Variants in SGCZ observed in about 807,000 individuals in gnomAD.
SGCZ encodes sarcoglycan zeta, also known as zeta-sarcoglycan.
Under a neutral mutation model 41.3 loss-of-function variants are expected in SGCZ, and 40 were observed. The observed-to-expected ratio is 0.97, with a 90% CI of 0.75 to 1.26. The LOEUF is 1.26. Ranked by LOEUF, SGCZ falls within the 50% of genes most tolerant of loss-of-function variation. The pLI, the probability that SGCZ is intolerant of heterozygous loss-of-function variation, is 0.00. For synonymous variants in SGCZ, 206 were observed against 137.5 expected, an observed-to-expected ratio of 1.50 and a Z score of -3.49; for missense variants, 552 against 369.8, an observed-to-expected ratio of 1.49 and a Z score of -4.04.
chr8:14,469,667 G>T (rs1801159315), intron 2 of SGCZ, among the ~76,000 whole-genome samples: 1 of 152,080 alleles, frequency 6.6e-6, no homozygotes, highest in South Asian at 2.1e-4. Context: ...CATGATTAGA[G>T]GGTTAGAACT....
intron 1 of SGCZ, among the ~76,000 whole-genome samples, chr8:14,956,508 CAAAT>C (rs1464728579): frequency 1.3e-5 from 2 of 151,900 alleles, no homozygotes; most frequent in South Asian, 2.1e-4. Flanking sequence ...AGGTCTCAGA[CAAAT>C]AAACAGGATA....
At chr8:14,696,672 G>A (rs947470739) in intron 1 of SGCZ, among the ~76,000 whole-genome samples, 11 of 151,634 alleles carry the variant, frequency 7.3e-5, no homozygotes, top group African/African-American at 2.4e-4. Context: ...TCTCTTTTGC[G>A]TTATGAATTT....
intron 3 of SGCZ, among the ~76,000 whole-genome samples, chr8:14,241,455 T>C (rs935146409): frequency 2.7e-5 from 4 of 148,298 alleles, no homozygotes; most frequent in Non-Finnish European, 5.9e-5. Flanking sequence ...ATAAACAATA[T>C]ATAATAATAT....
intron 1 of SGCZ, among the ~76,000 whole-genome samples, chr8:15,022,839 G>A (rs1803306097): frequency 6.6e-6 from 1 of 152,146 alleles, no homozygotes; most frequent in Admixed American, 6.5e-5. Flanking sequence ...TCTTGTGCAA[G>A]AATTACTATT....
intron 1 of SGCZ, among the ~76,000 whole-genome samples, chr8:14,835,856 C>G (rs1802685001): frequency 6.6e-6 from 1 of 152,082 alleles, no homozygotes; most frequent in Admixed American, 6.6e-5. Flanking sequence ...ATTACAAAGT[C>G]TTAAAAATAA....
At chr8:15,150,866 G>A (rs539325550) in intron 1 of SGCZ, among the ~76,000 whole-genome samples, 25 of 152,104 alleles carry the variant, frequency 1.6e-4, no homozygotes, top group Non-Finnish European at 2.8e-4. Context: ...AAGTCTGGTG[G>A]GTAGTCTCTA....
intron 1 of SGCZ, among the ~76,000 whole-genome samples, chr8:14,742,393 T>C (rs1324296346): frequency 6.6e-6 from 1 of 152,116 alleles, no homozygotes; most frequent in Admixed American, 6.6e-5. Context: ...TTCAGTCTTA[T>C]TGTGCACATT....
intron 1 of SGCZ, among the ~76,000 whole-genome samples, chr8:14,936,200 A>G (rs2130812936): frequency 6.6e-6 from 1 of 152,040 alleles, no homozygotes; most frequent in Non-Finnish European, 1.5e-5. Context: ...TTTAACAAGT[A>G]TAAAGCTTGA....
intron 1 of SGCZ, among the ~76,000 whole-genome samples, chr8:14,984,906 T>A (rs1801780578): frequency 6.9e-6 from 1 of 145,048 alleles, no homozygotes; most frequent in South Asian, 2.3e-4. Context: ...TCTGGAGTAC[T>A]TGTGCCACCT....
intron 1 of SGCZ, among the ~76,000 whole-genome samples, chr8:15,074,502 C>T (rs932664465): frequency 1.3e-5 from 2 of 152,084 alleles, no homozygotes; most frequent in Non-Finnish European, 2.9e-5. Context: ...ATTTTAAAAG[C>T]GCCCCATTCA....
intron 4 of SGCZ, among the ~76,000 whole-genome samples, chr8:14,203,912 A>C (rs1055604188): frequency 5.9e-5 from 9 of 151,794 alleles, no homozygotes; most frequent in African/African-American, 1.9e-4. Context: ...TCCAAAAAGA[A>C]AGAATAATAT....
chr8:14,269,920 T>C (rs1463644651), intron 3 of SGCZ, among the ~76,000 whole-genome samples: 1 of 152,192 alleles, frequency 6.6e-6, no homozygotes, highest in East Asian at 1.9e-4. Context: ...ATTTAACAAG[T>C]CTTTGTTAAC....
At chr8:14,821,429 G>A (rs1011086340) in intron 1 of SGCZ, among the ~76,000 whole-genome samples, 1 of 151,864 alleles carries the variant, frequency 6.6e-6, no homozygotes, top group Non-Finnish European at 1.5e-5. Flanking sequence ...AACTCTTCCA[G>A]AAAACTAAAG....
intron 4 of SGCZ, among the ~76,000 whole-genome samples, chr8:14,174,525 A>G (rs915715686): frequency 1.3e-5 from 2 of 152,136 alleles, no homozygotes; most frequent in African/African-American, 2.4e-5. Flanking sequence ...CACAAACTCA[A>G]GAAGTTCAAT....
intron 1 of SGCZ, among the ~76,000 whole-genome samples, chr8:15,112,429 A>G (rs1458394006): frequency 6.6e-6 from 1 of 152,232 alleles, no homozygotes; most frequent in East Asian, 1.9e-4. Context: ...TAGAACAATA[A>G]CCTCTGAAGA....
At chr8:14,701,138 T>C (rs1194295696) in intron 1 of SGCZ, among the ~76,000 whole-genome samples, 1 of 151,916 alleles carries the variant, frequency 6.6e-6, no homozygotes, top group Non-Finnish European at 1.5e-5. Context: ...TGGATCTTGT[T>C]GCAAAATAAA....
In SGCZ at chr8:14,877,410, GC is replaced by G. The variant is rs1224896001; in HGVS notation, c.40-322485del. 3.3e-5 allele frequency among the ~76,000 whole-genome samples: 5 copies of G among 152,170 alleles called. No homozygotes were observed. The East Asian group carries it at 9.6e-4, about 29-fold the overall frequency. ...ATGTCTAAAATGTATTATCAAATCT[GC>G]TCCATGATCTAAGCACTTATTTATT... On this transcript the variant is annotated intron_variant, in intron 1 of 7. Transcript: ENST00000382080.
At chr8:15,129,076 C>G (rs1807806597) in intron 1 of SGCZ, among the ~76,000 whole-genome samples, 1 of 152,128 alleles carries the variant, frequency 6.6e-6, no homozygotes, top group African/African-American at 2.4e-5. Context: ...TATAATCATC[C>G]CTTTCACCAC....
chr8:14,437,317 C>A (rs557943012), intron 2 of SGCZ, among the ~76,000 whole-genome samples: 1 of 152,112 alleles, frequency 6.6e-6, no homozygotes, highest in Non-Finnish European at 1.5e-5. Context: ...TAATAAATTA[C>A]CACTTGTCAA....
Sources: gnomAD v4.1 joint callset for allele counts (sites outside exome capture counted in the v4.1 genomes callset) on GRCh38, gnomAD v4.1.1 for gene constraint, MANE v1.5 for transcripts, NCBI Gene and HGNC (gene_info 2026-07-23, HGNC 2026-07-21) for gene names.